Variants in ACBD6 observed in about 807,000 individuals in gnomAD.
ACBD6 encodes acyl-CoA-binding domain-containing protein 6.
In ACBD6, 28 loss-of-function variants were observed where a neutral mutation model predicts 37.2. That is an observed-to-expected ratio of 0.75 (90% confidence interval 0.56 to 1.03). The LOEUF (loss-of-function observed/expected upper bound fraction) is 1.03, where lower values mean the gene tolerates loss of function less well. Among genes scored for constraint, ACBD6 ranks in the 50% least tolerant of loss-of-function variants. The pLI, the probability that ACBD6 is intolerant of heterozygous loss-of-function variation, is 0.00. For missense variants in ACBD6, 340 were observed against 337.4 expected (o/e 1.01, Z -0.06); for synonymous variants, 113 against 126.8 (o/e 0.89, Z 0.73).
chr1:180,491,411 G>A (rs972633678), intron 3 of ACBD6, among the ~76,000 whole-genome samples: 10 of 152,066 alleles, frequency 6.6e-5, no homozygotes, highest in Admixed American at 5.2e-4. Context: ...AAGTATATGA[G>A]AAAAACAGGG....
At chr1:180,314,783 C>A in intron 6 of ACBD6, 61 bp from the exon 7 acceptor site, 12 of 1,292,080 alleles carry the variant, frequency 9.3e-6, no homozygotes, top group Non-Finnish European at 1.3e-5. Context: ...TATGAAAGTA[C>A]ATAAACTGTA....
intron 3 of ACBD6, among the ~76,000 whole-genome samples, chr1:180,468,299 A>C (rs1257824061): frequency 6.6e-6 from 1 of 152,184 alleles, no homozygotes; most frequent in African/African-American, 2.4e-5. Context: ...TTTGTCCCCC[A>C]TGTCCTAAGC....
chr1:180,417,821 C>A (rs1245473474), intron 4 of ACBD6, among the ~76,000 whole-genome samples: 1 of 152,212 alleles, frequency 6.6e-6, no homozygotes, highest in Non-Finnish European at 1.5e-5. Flanking sequence ...TGGCACTGCA[C>A]ACTATCTTCC....
chr1:180,480,004 A>AAGAAAATACAAGC (rs1244526403), intron 3 of ACBD6, among the ~76,000 whole-genome samples: 2 of 152,116 alleles, frequency 1.3e-5, no homozygotes, highest in Non-Finnish European at 2.9e-5. Flanking sequence ...CAAAGAAAAA[A>AAGAAAATACAAGC]AGAAAATACA....
chr1:180,308,618 C>T (rs997518298), intron 7 of ACBD6, among the ~76,000 whole-genome samples: 1 of 152,134 alleles, frequency 6.6e-6, no homozygotes, highest in Admixed American at 6.5e-5. Flanking sequence ...TAATCTCTAC[C>T]CCTTTGCCTC....
At chr1:180,371,339 C>T (rs777728981) in intron 6 of ACBD6, among the ~76,000 whole-genome samples, 3 of 151,970 alleles carry the variant, frequency 2.0e-5, no homozygotes, top group East Asian at 1.9e-4. Flanking sequence ...ATTCATCACA[C>T]GAATGAATCA....
intron 1 of ACBD6, among the ~76,000 whole-genome samples, chr1:180,498,384 G>C (rs1241505621): frequency 1.3e-5 from 2 of 152,170 alleles, no homozygotes. Flanking sequence ...ATAATTATCT[G>C]TGAGTTGTTC....
chr1:180,460,649 G>A (rs1020442313), intron 3 of ACBD6, among the ~76,000 whole-genome samples: 8 of 152,172 alleles, frequency 5.3e-5, no homozygotes, highest in South Asian at 4.1e-4. Flanking sequence ...AGGCAACTAC[G>A]GACTGGAGTG....
intron 3 of ACBD6, among the ~76,000 whole-genome samples, chr1:180,465,115 G>A (rs764865734): frequency 1.2e-4 from 18 of 152,100 alleles, no homozygotes; most frequent in Non-Finnish European, 5.9e-5. Context: ...CCTGGACACA[G>A]CAAAGATTTC....
chr1:180,450,309 C>A (rs1649652209), intron 3 of ACBD6, among the ~76,000 whole-genome samples: 1 of 152,130 alleles, frequency 6.6e-6, no homozygotes. Context: ...ATTCCAAAGG[C>A]CATACTCTAA....
In ACBD6 at chr1:180,288,440, C is replaced by A; in HGVS notation, c.772G>T (p.Gly258Cys). ...CCTGTCACCTCCTCTGGCAGGCAGC[C>A]ATCCTGGTCTCGGAGAGTGGGGTCA... The part of the protein sequence containing the change: ...GADPTLRDQD[G>C]CLPEEVTGCK... Residue 258 changes from glycine to cysteine, a missense_variant, in exon 8 of 8, where the codon GGC (glycine) becomes TGC (cysteine). Transcript: ENST00000367595. 1 of 1,613,778 alleles carries A rather than the reference C, an allele frequency of 6.2e-7. No homozygotes were observed. Among genetic ancestry groups the A allele is most frequent in the Middle Eastern group, 1.7e-4 (1 of 5,896 alleles).
chr1:180,432,771 T>C (rs1648862564), intron 3 of ACBD6, among the ~76,000 whole-genome samples: 2 of 152,154 alleles, frequency 1.3e-5, no homozygotes, highest in East Asian at 1.9e-4. Flanking sequence ...GAGATAACTA[T>C]GAACAATTAC....
chr1:180,336,937 C>T (rs1422060227), intron 6 of ACBD6, among the ~76,000 whole-genome samples: 2 of 152,002 alleles, frequency 1.3e-5, no homozygotes, highest in East Asian at 1.9e-4. Flanking sequence ...ACACATACAC[C>T]CTCCCAAGAC....
At chr1:180,276,321 T>C (rs879644294) in intron 9 of ACBD6, 1 of 136,760 alleles carries the variant, frequency 7.3e-6, no homozygotes, top group East Asian at 2.2e-4. Context: ...TGTAAGCCCT[T>C]TTCCAGGACT....
intron 6 of ACBD6, among the ~76,000 whole-genome samples, chr1:180,350,913 A>C (rs979338985): frequency 6.6e-6 from 1 of 152,214 alleles, no homozygotes; most frequent in Admixed American, 6.5e-5. Flanking sequence ...ATGTCAGGGC[A>C]GGAACCACAG....
chr1:180,301,636 C>T (rs1001142158), intron 7 of ACBD6, among the ~76,000 whole-genome samples: 79 of 152,104 alleles, frequency 5.2e-4, no homozygotes, highest in African/African-American at 1.8e-3. Context: ...CTTTCCTTCT[C>T]GGGAACACTT....
intron 10 of ACBD6, chr1:180,274,431 C>A: frequency 6.2e-7 from 1 of 1,614,180 alleles, no homozygotes; most frequent in Non-Finnish European, 8.5e-7. Context: ...GGCATCATTG[C>A]GCATGCAGGG....
At chr1:180,341,372 T>A (rs1447235913) in intron 6 of ACBD6, among the ~76,000 whole-genome samples, 1 of 152,088 alleles carries the variant, frequency 6.6e-6, no homozygotes, top group Non-Finnish European at 1.5e-5. Flanking sequence ...TAGAGCATGG[T>A]CCCATTTTTG....
At chr1:180,390,566 G>A (rs982685995) in intron 6 of ACBD6, among the ~76,000 whole-genome samples, 2 of 152,032 alleles carry the variant, frequency 1.3e-5, no homozygotes, top group African/African-American at 2.4e-5. Flanking sequence ...TGATGGGGAT[G>A]GCATTGAATC....
Sources: allele counts gnomAD v4.1 joint callset (sites outside exome capture counted in the v4.1 genomes callset), GRCh38; gene constraint gnomAD v4.1.1; transcripts MANE v1.5; gene names NCBI Gene and HGNC (gene_info 2026-07-23, HGNC 2026-07-21).